KCNMA1: variants seen among roughly 807,000 people sequenced by gnomAD.
KCNMA1 encodes the protein potassium calcium-activated channel subfamily M alpha 1.
In KCNMA1, 29 loss-of-function variants were observed where a neutral mutation model predicts 140.0. The ratio of observed to expected loss-of-function variants is 0.21; its 90% CI spans 0.15 to 0.28. The LOEUF (loss-of-function observed/expected upper bound fraction) is 0.28, where lower values mean the gene tolerates loss of function less well. Ranked by LOEUF, KCNMA1 falls within the 10% of genes least tolerant of loss-of-function variation. The probability of loss-of-function intolerance (pLI) is 1.00; values close to 1 mark genes in which losing one functional copy is unlikely to be tolerated. For synonymous variants in KCNMA1, 612 were observed against 611.9 expected (o/e 1.00, Z 0.00); for missense variants, 880 against 1,602.2 (o/e 0.55, Z 7.70).
At chr10:77,634,321 G>C (rs2093515491) in intron 1 of KCNMA1, 1 of 985,290 alleles carries the variant, frequency 1.0e-6, no homozygotes, top group Non-Finnish European at 1.2e-6. Flanking sequence ...GGAGGAAATT[G>C]TAATGTTTTC....
At chr10:77,587,091 T>A (rs1227801628) in intron 1 of KCNMA1, 1 of 152,236 alleles carries the variant, frequency 6.6e-6, no homozygotes, top group African/African-American at 2.4e-5. Flanking sequence ...TCTTGTCTGA[T>A]CTTGGCAGCT....
At chr10:77,266,981 C>T (rs1294345340) in intron 2 of KCNMA1, among the ~76,000 whole-genome samples, 3 of 152,166 alleles carry the variant, frequency 2.0e-5, no homozygotes, top group Non-Finnish European at 4.4e-5. Context: ...GACAGACACT[C>T]AACAAATGAC....
intron 2 of KCNMA1, among the ~76,000 whole-genome samples, chr10:77,271,870 C>A (rs1293053405): frequency 6.6e-6 from 1 of 152,210 alleles, no homozygotes; most frequent in East Asian, 1.9e-4. Context: ...CTGAAATGTT[C>A]TAGAATGTCT....
chr10:77,221,559 C>T (rs757070863), intron 3 of KCNMA1, among the ~76,000 whole-genome samples: 8 of 152,150 alleles, frequency 5.3e-5, no homozygotes, highest in Non-Finnish European at 7.4e-5. Context: ...GCAACACAAA[C>T]GATAAGTGCT....
intron 5 of KCNMA1, among the ~76,000 whole-genome samples, chr10:77,179,901 C>T (rs747988398): frequency 5.3e-4 from 80 of 152,314 alleles, no homozygotes; most frequent in African/African-American, 1.9e-3. Flanking sequence ...ATAGTAGTGT[C>T]TCTATGAGTA....
At chr10:77,056,503 A>G (rs993164046) in intron 14 of KCNMA1, among the ~76,000 whole-genome samples, 14 of 152,098 alleles carry the variant, frequency 9.2e-5, no homozygotes, top group Admixed American at 6.6e-5. Flanking sequence ...TTTCATAATA[A>G]AAAAATTAAA....
At chr10:77,636,707 G>C (rs1430332565) in intron 1 of KCNMA1, 9 of 1,519,694 alleles carry the variant, frequency 5.9e-6, no homozygotes, top group Non-Finnish European at 5.3e-6. Context: ...TGTTATCTCG[G>C]GCCATGCTCC....
chr10:77,566,121 A>C (rs2068214487), intron 1 of KCNMA1, among the ~76,000 whole-genome samples: 1 of 149,894 alleles, frequency 6.7e-6, no homozygotes, highest in Non-Finnish European at 1.5e-5. Context: ...TTTAAGTGGA[A>C]TAGCAAAAAT....
intron 1 of KCNMA1, among the ~76,000 whole-genome samples, chr10:77,465,880 G>A (rs561838197): frequency 2.0e-5 from 3 of 152,288 alleles, no homozygotes; most frequent in South Asian, 2.1e-4. Flanking sequence ...GACGCTTCCC[G>A]GGGCTGGGCA....
At chr10:76,907,167 G>A (rs184124431) in intron 25 of KCNMA1, among the ~76,000 whole-genome samples, 2 of 152,290 alleles carry the variant, frequency 1.3e-5, no homozygotes, top group Non-Finnish European at 2.9e-5. Flanking sequence ...AGGCTAGAAT[G>A]CAGAAGACAT....
chr10:77,374,778 G>T (rs1313429731), intron 2 of KCNMA1, among the ~76,000 whole-genome samples: 1 of 152,180 alleles, frequency 6.6e-6, no homozygotes, highest in Non-Finnish European at 1.5e-5. Context: ...CATTTTACCA[G>T]CTGGGTTTAA....
intron 1 of KCNMA1, among the ~76,000 whole-genome samples, chr10:77,496,577 A>C (rs2042003039): frequency 7.1e-6 from 1 of 141,006 alleles, no homozygotes; most frequent in African/African-American, 2.6e-5. Flanking sequence ...AGCCTGGGTG[A>C]CAGAGCGAGA....
At chr10:77,251,281 T>C in intron 2 of KCNMA1, 25 bp from the exon 3 acceptor site, 1 of 1,597,634 alleles carries the variant, frequency 6.3e-7, no homozygotes, top group Non-Finnish European at 8.6e-7. Flanking sequence ...GAGAATGCCA[T>C]CACTTAAGAG....
At chr10:77,437,770 T>C (rs1036087323) in intron 1 of KCNMA1, among the ~76,000 whole-genome samples, 1 of 152,172 alleles carries the variant, frequency 6.6e-6, no homozygotes, top group Non-Finnish European at 1.5e-5. Context: ...GCCAGGACCA[T>C]GCTCTGTGGA....
intron 20 of KCNMA1, among the ~76,000 whole-genome samples, chr10:76,955,059 A>T (rs537577026): frequency 1.6e-4 from 24 of 152,326 alleles, no homozygotes; most frequent in African/African-American, 5.8e-4. Flanking sequence ...CCACTCTTGA[A>T]ATGGAGCTAT....
intron 1 of KCNMA1, among the ~76,000 whole-genome samples, chr10:77,452,297 C>T (rs1196865868): frequency 6.6e-6 from 1 of 152,184 alleles, no homozygotes; most frequent in African/African-American, 2.4e-5. Context: ...ATTTGAGTTA[C>T]ATTTGAGGCG....
intron 1 of KCNMA1, among the ~76,000 whole-genome samples, chr10:77,562,399 T>A (rs182930402): frequency 2.4e-4 from 37 of 152,324 alleles, no homozygotes; most frequent in Non-Finnish European, 5.1e-4. Flanking sequence ...AATGTATACT[T>A]CCTCGCAAGC....
chr10:77,052,634 G>A (rs1348349562), intron 14 of KCNMA1, among the ~76,000 whole-genome samples: 9 of 132,228 alleles, frequency 6.8e-5, no homozygotes, highest in African/African-American at 2.5e-4. Flanking sequence ...AAAAAAAAAA[G>A]GGTACTTATT....
intron 10 of KCNMA1, among the ~76,000 whole-genome samples, chr10:77,087,523 A>G (rs2096720080): frequency 6.6e-6 from 1 of 152,052 alleles, no homozygotes; most frequent in African/African-American, 2.4e-5. Context: ...TCTGTGTCTC[A>G]TGGACTTCTC....
Sources: gnomAD v4.1 joint callset for allele counts (sites outside exome capture counted in the v4.1 genomes callset) on GRCh38, gnomAD v4.1.1 for gene constraint, MANE v1.5 for transcripts, NCBI Gene and HGNC (gene_info 2026-07-23, HGNC 2026-07-21) for gene names.